The following CAPN2 variants were observed in gnomAD, a reference collection of about 807,000 sequenced individuals.
CAPN2 encodes the protein calpain-2 catalytic subunit.
A neutral mutation model predicts 102.3 loss-of-function variants in CAPN2; 92 were observed. The observed-to-expected ratio is 0.90, with a 90% confidence interval of 0.76 to 1.07. The LOEUF (loss-of-function observed/expected upper bound fraction) is 1.07, where lower values mean the gene tolerates loss of function less well. CAPN2 is among the 50% of genes least tolerant of loss of function. The pLI is 0.00. For synonymous variants in CAPN2, 340 were observed against 355.4 expected (o/e 0.96, Z 0.49); for missense variants, 800 against 909.4 (o/e 0.88, Z 1.55).
intron 9 of CAPN2, 98 bp downstream of exon 9, chr1:223,753,054 C>T (rs926449239): frequency 1.8e-6 from 2 of 1,121,238 alleles, no homozygotes; most frequent in African/African-American, 3.1e-5. Flanking sequence ...AGCCTAGCAG[C>T]CCCAGGAGGC....
Position 223,726,958 on chromosome 1 carries a change from C to T in CAPN2, c.307+9127C>T, listed in dbSNP as rs1203246556. Among the ~76,000 whole-genome samples, 1 of 152,146 alleles carries T rather than the reference C, an allele frequency of 6.6e-6. No homozygotes were observed. The highest frequency in any genetic ancestry group is 1.5e-5 in the Non-Finnish European group (1 of 68,014). On this transcript the variant is annotated intron_variant, in intron 2 of 20. Coordinates refer to ENST00000295006, the MANE Select transcript of CAPN2 (RefSeq NM_001748.5). The surrounding 1 kb of genome is among the most constrained non-coding windows in gnomAD (Gnocchi z 4.4). ...TTTCCTCTAGAGAAGCCCCTCCCTG[C>T]CAGTTTCAGAGGGATGGCCCTGAAT... is the stretch of plus-strand genomic sequence containing the variant.
chr1:223,722,281 C>CTTTTTTT (rs34894876), intron 2 of CAPN2, among the ~76,000 whole-genome samples: 264 of 85,282 alleles, frequency 3.1e-3, no homozygotes, highest in Middle Eastern at 7.7e-3. Flanking sequence ...TTCTTTCTTT[C>CTTTTTTT]TTTTTTTTTT....
At chr1:223,761,216 A>G (rs536431331) in intron 12 of CAPN2, among the ~76,000 whole-genome samples, 1 of 152,390 alleles carries the variant, frequency 6.6e-6, no homozygotes, top group Admixed American at 6.5e-5. Flanking sequence ...CGCGAAGGCT[A>G]TCCTATTTGA....
chr1:223,755,511 CAAG>C lies in CAPN2; in HGVS notation c.1168_1170del (p.Lys390del). 1.9e-6 allele frequency: 3 copies of C among 1,614,102 alleles called. No individual in the cohort carries two copies. The highest frequency in any genetic ancestry group is 1.7e-6 in the Non-Finnish European group (2 of 1,180,020). Reference sequence around the variant, plus strand: ...TCTGGATGAACCCTCAGTACCTGATCAAGCTGGAGGAGGAGGATGAGGACGAGG... The same window carrying C: ...TCTGGATGAACCCTCAGTACCTGATCCTGGAGGAGGAGGATGAGGACGAGG... On this transcript the variant is annotated inframe_deletion, in exon 10 of 21. Coordinates refer to ENST00000295006, the MANE Select transcript of CAPN2 (RefSeq NM_001748.5). This position sits in a 1 kb window ranked among gnomAD's most constrained non-coding sequence, Gnocchi z 4.1.
chr1:223,747,775 G>C (rs1660783920), intron 5 of CAPN2, among the ~76,000 whole-genome samples: 1 of 152,192 alleles, frequency 6.6e-6, no homozygotes. Context: ...AGTGGATCGA[G>C]AGACAGAAGG....
intron 5 of CAPN2, 23 bp downstream of exon 5, chr1:223,747,188 A>C (rs764599934): frequency 2.5e-6 from 4 of 1,589,370 alleles, no homozygotes; most frequent in Non-Finnish European, 3.4e-6. Flanking sequence ...TGCCTTCCCT[A>C]GCCTCACCCC....
chr1:223,764,402 T>G (rs1661263791), intron 15 of CAPN2, among the ~76,000 whole-genome samples, 195 bp downstream of exon 15: 1 of 152,202 alleles, frequency 6.6e-6, no homozygotes, highest in Admixed American at 6.5e-5. Context: ...AGATCAAAGA[T>G]CAAATCCAGG....
At position 223,752,789 on chromosome 1, in the gene CAPN2, T is replaced by C; in HGVS notation, c.975-7T>C. ...TCACCTGTGATGATTGTCTCTGCTT[T>C]TGCCAGGATGTCTTTCAGTGACTTC... On this transcript the variant is annotated splice_region_variant and splice_polypyrimidine_tract_variant and intron_variant, in intron 8 of 20. Coordinates refer to ENST00000295006, the MANE Select transcript of CAPN2 (RefSeq NM_001748.5). 6.2e-7 allele frequency: 1 copy of C among 1,613,940 alleles called. No individual in the cohort carries two copies. The highest frequency in any genetic ancestry group is 8.5e-7 in the Non-Finnish European group (1 of 1,179,888).
intron 1 of CAPN2, among the ~76,000 whole-genome samples, chr1:223,702,080 A>AGGGAGGGG (rs1558374845): frequency 3.4e-5 from 1 of 28,988 alleles, no homozygotes; most frequent in Non-Finnish European, 8.3e-5. Flanking sequence ...GGAGGGAGGG[A>AGGGAGGGG]GGGAGGGAGG....
chr1:223,775,665 T>C lies in CAPN2; in HGVS notation c.*808T>C, dbSNP rs996857056. 1 of 152,632 alleles carries C rather than the reference T, an allele frequency of 6.6e-6. No homozygotes were observed. Among genetic ancestry groups the C allele is most frequent in the Non-Finnish European group, 1.5e-5 (1 of 68,042 alleles). The allele number at this position is 152,632 out of a possible 1,614,324, so 9.5% of individuals were successfully genotyped here. ...ACTTTATGAACTTCACCACCACTAG[T>C]GTCTGTCCATGGAGTTAGAGGGGAC... is the stretch of plus-strand genomic sequence containing the variant. On this transcript the variant is annotated 3_prime_UTR_variant, in exon 21 of 21. Coordinates refer to ENST00000295006, the MANE Select transcript of CAPN2 (RefSeq NM_001748.5).
intron 14 of CAPN2, 127 bp from the exon 15 acceptor site, chr1:223,764,023 G>A (rs1047542478): frequency 6.0e-5 from 44 of 729,712 alleles, no homozygotes; most frequent in Admixed American, 5.5e-4. Flanking sequence ...AACATGGCTC[G>A]GGGGCTTGTT....
chr1:223,716,862 T>A (rs1159111539), intron 1 of CAPN2, among the ~76,000 whole-genome samples: 1 of 152,086 alleles, frequency 6.6e-6, no homozygotes, highest in African/African-American at 2.4e-5. Context: ...CCCTGAGGTT[T>A]TAACACCCTT....
intron 5 of CAPN2, among the ~76,000 whole-genome samples, chr1:223,747,636 G>A (rs969720157): frequency 3.3e-5 from 5 of 152,164 alleles, no homozygotes; most frequent in Admixed American, 2.6e-4. Flanking sequence ...CTTTCTTCCT[G>A]CAATATGAGT....
rs185982685 is a variant in CAPN2 at position 223,767,247 on chromosome 1, G to A, written c.1755+816G>A. ...GTACATGTGCACAATGTGCAGGTTA[G>A]TTACATATGTATACATGTGCCATGC... On this transcript the variant is annotated intron_variant, in intron 16 of 20. Coordinates refer to ENST00000295006, the MANE Select transcript of CAPN2 (RefSeq NM_001748.5). Among the ~76,000 whole-genome samples the A allele has an allele frequency of 6.5e-3, 983 of 151,990 alleles. 6 individuals are homozygous for A. Among genetic ancestry groups the A allele is most frequent in the African/African-American group, 0.023 (942 of 41,444 alleles).
At chr1:223,761,526 T>C (rs1331259451) in intron 12 of CAPN2, 55 bp from the exon 13 acceptor site, 2 of 1,491,968 alleles carry the variant, frequency 1.3e-6, no homozygotes, top group South Asian at 1.1e-5. Context: ...AGTGATTTCC[T>C]TCCTTTTTGC....
intron 1 of CAPN2, among the ~76,000 whole-genome samples, chr1:223,717,374 T>C (rs780847910): frequency 3.3e-5 from 5 of 152,018 alleles, no homozygotes; most frequent in Admixed American, 6.6e-5. Context: ...CAAAACAACT[T>C]GCATGCAGTA....
chr1:223,736,913 A>T (rs1660469166), intron 2 of CAPN2, among the ~76,000 whole-genome samples: 1 of 152,038 alleles, frequency 6.6e-6, no homozygotes, highest in South Asian at 2.1e-4. Context: ...GCATGGTGGT[A>T]TGTGCTTGTA....
chr1:223,750,525 G>T (rs1660859856), intron 6 of CAPN2, among the ~76,000 whole-genome samples: 1 of 152,180 alleles, frequency 6.6e-6, no homozygotes, highest in Admixed American at 6.5e-5. Flanking sequence ...CTCACTGCAT[G>T]TGCCTGTTAT....
intron 2 of CAPN2, among the ~76,000 whole-genome samples, chr1:223,733,487 C>T (rs1660381056): frequency 6.6e-6 from 1 of 152,002 alleles, no homozygotes; most frequent in Non-Finnish European, 1.5e-5. Flanking sequence ...CAGTAGAAGG[C>T]CCTGGAGTTT....
Sources: gnomAD v4.1 joint callset for allele counts (sites outside exome capture counted in the v4.1 genomes callset) on GRCh38, gnomAD v4.1.1 for gene constraint, Gnocchi (gnomAD v3.1) non-coding constraint, MANE v1.5 for transcripts, NCBI Gene and HGNC (gene_info 2026-07-23, HGNC 2026-07-21) for gene names.